PRKCA: variants seen among roughly 807,000 people sequenced by gnomAD.
PRKCA encodes the protein protein kinase C alpha type.
A neutral mutation model predicts 87.0 loss-of-function variants in PRKCA; 27 were observed. The ratio of observed to expected loss-of-function variants is 0.31; its 90% CI spans 0.23 to 0.43. The LOEUF is 0.43. Ranked by LOEUF, PRKCA falls within the 20% of genes least tolerant of loss-of-function variation. The probability of loss-of-function intolerance (pLI) is 1.00; values close to 1 mark genes in which losing one functional copy is unlikely to be tolerated. For missense variants in PRKCA, 518 were observed against 852.3 expected (o/e 0.61, Z 4.88); for synonymous variants, 329 against 311.1 (o/e 1.06, Z -0.61).
chr17:66,377,387 C>G (rs994976816), intron 2 of PRKCA, among the ~76,000 whole-genome samples: 1 of 151,762 alleles, frequency 6.6e-6, no homozygotes. Flanking sequence ...CTCAGAAAAC[C>G]AAGAAACAGG....
chr17:66,589,314 A>C (rs919012866), intron 3 of PRKCA, among the ~76,000 whole-genome samples: 2 of 152,144 alleles, frequency 1.3e-5, no homozygotes, highest in African/African-American at 4.8e-5. Context: ...AATACATATG[A>C]GTATGTGAAT....
intron 2 of PRKCA, among the ~76,000 whole-genome samples, chr17:66,475,830 G>A (rs1915512693): frequency 6.6e-6 from 1 of 152,154 alleles, no homozygotes; most frequent in African/African-American, 2.4e-5. Context: ...TGCAGTCAAT[G>A]AAGATTTTCC....
At chr17:66,491,775 T>C (rs1285218925) in intron 2 of PRKCA, among the ~76,000 whole-genome samples, 1 of 152,192 alleles carries the variant, frequency 6.6e-6, no homozygotes, top group Admixed American at 6.5e-5. Context: ...TTCATTAGAT[T>C]ATCTTACAAA....
rs537420594 is a variant in PRKCA at position 66,756,665 on chromosome 17, T to G, written c.1524+13905T>G. 2.4e-3 allele frequency among the ~76,000 whole-genome samples: 369 copies of G among 150,822 alleles called. 1 individual carries two copies. Among genetic ancestry groups the G allele is most frequent in the Non-Finnish European group, 3.4e-3 (232 of 67,710 alleles). On this transcript the variant is annotated intron_variant, in intron 13 of 16. Transcript: ENST00000413366. ...GGAGTTTTGTTTTTTGGTTTTTGGGTTTTTTTTTGTTTTGGAGATGGAGTC... is the reference window on the plus strand; with the variant it reads ...GGAGTTTTGTTTTTTGGTTTTTGGGGTTTTTTTTGTTTTGGAGATGGAGTC...
chr17:66,800,035 C>T (rs527967432), intron 16 of PRKCA, among the ~76,000 whole-genome samples: 4 of 152,198 alleles, frequency 2.6e-5, no homozygotes, highest in Admixed American at 6.5e-5. Context: ...GGCTTTCTTC[C>T]GGTTTCTTGC....
intron 14 of PRKCA, among the ~76,000 whole-genome samples, chr17:66,776,385 A>G (rs1258631078): frequency 1.3e-5 from 2 of 152,086 alleles, no homozygotes; most frequent in Non-Finnish European, 2.9e-5. Flanking sequence ...ATCTCAGCTC[A>G]CTGCACCCTC....
Position 66,738,798 on chromosome 17 carries a change from G to A in PRKCA, c.1265G>A (p.Gly422Asp). Residue 422 changes from glycine to aspartate, a missense_variant, in exon 11 of 17, where the codon GGT (glycine) becomes GAT (aspartate). Physicochemically the swap from Gly to Asp is moderately conservative, Grantham distance 94. Around this residue, in one of 5 missense-constraint regions of PRKCA, gnomAD observed 300 missense variants for 496.8 expected, o/e 0.60. Coordinates refer to ENST00000413366, the MANE Select transcript of PRKCA (RefSeq NM_002737.3). ...TACTTCGTCATGGAATATGTCAACG[G>A]TGGGGACCTCATGTACCACATTCAG... ...RLYFVMEYVN[G>D]GDLMYHIQQV... 6.2e-7 allele frequency: 1 copy of A among 1,613,720 alleles called. No homozygotes were observed. Among genetic ancestry groups the A allele is most frequent in the Non-Finnish European group, 8.5e-7 (1 of 1,179,882 alleles).
chr17:66,512,357 G>A (rs1567867554), intron 3 of PRKCA, among the ~76,000 whole-genome samples: 1 of 152,038 alleles, frequency 6.6e-6, no homozygotes, highest in Non-Finnish European at 1.5e-5. Context: ...CAGGAGAATT[G>A]CTTGAACCTG....
chr17:66,347,080 A>AT (rs1337314145), intron 2 of PRKCA, among the ~76,000 whole-genome samples: 23 of 151,986 alleles, frequency 1.5e-4, no homozygotes, highest in Non-Finnish European at 3.4e-4. Context: ...ATTTACATAG[A>AT]TTTTATCTAC....
chr17:66,774,291 A>G (rs1407704741), intron 14 of PRKCA: 1 of 1,387,328 alleles, frequency 7.2e-7, no homozygotes, highest in Non-Finnish European at 9.4e-7. Flanking sequence ...GAAAGCTACA[A>G]CCTGGAGTGT....
chr17:66,349,108 T>C (rs977500182), intron 2 of PRKCA, among the ~76,000 whole-genome samples: 1 of 152,210 alleles, frequency 6.6e-6, no homozygotes, highest in Non-Finnish European at 1.5e-5. Flanking sequence ...CTTAGCTGCG[T>C]CCATCAAGTG....
intron 8 of PRKCA, among the ~76,000 whole-genome samples, chr17:66,717,453 A>G (rs916039763): frequency 1.3e-5 from 2 of 152,168 alleles, no homozygotes; most frequent in Admixed American, 1.3e-4. Flanking sequence ...AGAGCTCAGG[A>G]TGGAAAACTG....
At chr17:66,371,106 T>C (rs1348644394) in intron 2 of PRKCA, among the ~76,000 whole-genome samples, 4 of 152,208 alleles carry the variant, frequency 2.6e-5, no homozygotes, top group Non-Finnish European at 5.9e-5. Context: ...GATGTATGTA[T>C]TTTTGCAGTT....
intron 8 of PRKCA, among the ~76,000 whole-genome samples, chr17:66,727,170 G>T (rs1973775486): frequency 6.6e-6 from 1 of 150,418 alleles, no homozygotes; most frequent in African/African-American, 2.5e-5. Context: ...TACTGCCACG[G>T]GAAGGAATTC....
At chr17:66,609,531 C>T (rs1567929276) in intron 3 of PRKCA, among the ~76,000 whole-genome samples, 1 of 152,144 alleles carries the variant, frequency 6.6e-6, no homozygotes, top group Non-Finnish European at 1.5e-5. Context: ...AAGCTCTTTA[C>T]CACAGTGTAT....
chr17:66,305,514 G>C (rs1427014087), intron 1 of PRKCA, among the ~76,000 whole-genome samples: 8 of 152,144 alleles, frequency 5.3e-5, no homozygotes, highest in Non-Finnish European at 1.2e-4. Context: ...GAATGCTATT[G>C]GTTCTCAGTA....
At chr17:66,352,073 G>A (rs1907777254) in intron 2 of PRKCA, among the ~76,000 whole-genome samples, 1 of 152,144 alleles carries the variant, frequency 6.6e-6, no homozygotes, top group African/African-American at 2.4e-5. Context: ...GGCCCAATGT[G>A]GTCAGCTGTC....
chr17:66,786,067 A>G (rs1236991509), intron 14 of PRKCA, among the ~76,000 whole-genome samples: 1 of 152,166 alleles, frequency 6.6e-6, no homozygotes, highest in Non-Finnish European at 1.5e-5. Context: ...TGCCCTTGTG[A>G]TCCGCCCGCC....
At chr17:66,333,813 G>C (rs1489547908) in intron 2 of PRKCA, among the ~76,000 whole-genome samples, 2 of 152,114 alleles carry the variant, frequency 1.3e-5, no homozygotes, top group Non-Finnish European at 1.5e-5. Context: ...ACTTCGGAGA[G>C]TCTTTAGGAT....
Sources: gnomAD v4.1 joint callset for allele counts (sites outside exome capture counted in the v4.1 genomes callset) on GRCh38, gnomAD v4.1.1 for gene constraint, gnomAD v4.1.1 regional missense constraint, MANE v1.5 for transcripts, NCBI Gene and HGNC (gene_info 2026-07-23, HGNC 2026-07-21) for gene names.